The following MRC1 variants were observed in gnomAD, a reference collection of about 807,000 sequenced individuals.
The protein encoded by MRC1 is mannose receptor C-type 1.
Under a neutral mutation model 102.9 loss-of-function variants are expected in MRC1, and 62 were observed. That is an observed-to-expected ratio of 0.60 (90% CI 0.49 to 0.74). The LOEUF (loss-of-function observed/expected upper bound fraction) is 0.74. MRC1 is among the 30% of genes least tolerant of loss of function. MRC1 has a pLI of 0.00. For synonymous variants in MRC1, 457 were observed against 298.4 expected, an observed-to-expected ratio of 1.53 and a Z score of -5.48; for missense variants, 1,237 against 862.8, an observed-to-expected ratio of 1.43 and a Z score of -5.43.
intron 1 of MRC1, among the ~76,000 whole-genome samples, chr10:17,809,859 C>T (rs955728611): frequency 7.9e-5 from 12 of 152,074 alleles, no homozygotes; most frequent in Non-Finnish European, 1.2e-4. Flanking sequence ...CTGTGGTTTA[C>T]TCTTTCTGGT....
At chr10:17,852,153 T>C (rs949906450) in intron 7 of MRC1, among the ~76,000 whole-genome samples, 7 of 152,330 alleles carry the variant, frequency 4.6e-5, no homozygotes, top group Non-Finnish European at 8.8e-5. Context: ...ATTTTTGTTG[T>C]GATATTTAGG....
At chr10:17,828,668 G>T (rs1838521309) in intron 3 of MRC1, among the ~76,000 whole-genome samples, 1 of 151,516 alleles carries the variant, frequency 6.6e-6, no homozygotes, top group African/African-American at 2.5e-5. Context: ...TAAGAAGGGT[G>T]CCATTTAGTT....
chr10:17,827,539 C>T lies in MRC1; in HGVS notation c.464-3C>T. On this transcript the variant is annotated splice_region_variant and splice_polypyrimidine_tract_variant and intron_variant, in intron 2 of 29. Transcript: ENST00000569591. ...CCAAGTTCAAGTCAATATGTTTTTCCAGCCATGTATACGCTACTAGGCAAT... is the reference window on the plus strand; with the variant it reads ...CCAAGTTCAAGTCAATATGTTTTTCTAGCCATGTATACGCTACTAGGCAAT... 1 of 780,656 alleles carries T rather than the reference C, an allele frequency of 1.3e-6. No homozygotes were observed. 48.4% of individuals were successfully genotyped at this position (780,656 alleles called of 1,614,324 possible).
chr10:17,847,661 C>T (rs973815378), intron 6 of MRC1, among the ~76,000 whole-genome samples: 85 of 152,376 alleles, frequency 5.6e-4, no homozygotes, highest in African/African-American at 2.0e-3. Context: ...TCTGGCTTAG[C>T]AGCCACTTAA....
Position 17,845,358 on chromosome 10 carries a change from A to C in MRC1, c.986A>C (p.Asn329Thr). 1.3e-6 allele frequency: 1 copy of C among 780,856 alleles called. No individual in the cohort carries two copies. The highest frequency in any genetic ancestry group is 2.4e-5 in the East Asian group (1 of 41,246). 48.4% of individuals were successfully genotyped at this position (780,856 alleles called of 1,614,324 possible). ...CCTGGAAAAAATGCTAAATGGGAAA[A>C]TCTGGAATGTGTTCAGAAACTGGGC... ...LNPGKNAKWE[N>T]LECVQKLGYI... The change falls in exon 6 of 30, where the codon AAT becomes ACT. Residue 329 changes from asparagine to threonine, a missense_variant. Coordinates refer to ENST00000569591, the MANE Select transcript of MRC1 (RefSeq NM_002438.4).
intron 1 of MRC1, among the ~76,000 whole-genome samples, chr10:17,817,648 A>G (rs1838333121): frequency 6.6e-6 from 1 of 152,180 alleles, no homozygotes; most frequent in Non-Finnish European, 1.5e-5. Context: ...TAAATTTCTG[A>G]TGTGTAAGTA....
At chr10:17,856,169 CA>C (rs1243445821) in intron 8 of MRC1, 72 bp from the exon 9 acceptor site, 107,471 of 504,920 alleles carry the variant, frequency 0.21, 25 homozygotes, top group South Asian at 0.24. Context: ...GACACTGTCT[CA>C]AAAAAAAAAA....
At chr10:17,834,446 C>G (rs1326867685) in intron 4 of MRC1, among the ~76,000 whole-genome samples, 1 of 152,144 alleles carries the variant, frequency 6.6e-6, no homozygotes, top group African/African-American at 2.4e-5. Flanking sequence ...GAGTTTCCCT[C>G]TTGTAGCCCA....
In MRC1 at chr10:17,856,368, C is replaced by T. The variant is rs945350449; in HGVS notation, c.1518+16C>T. Reference sequence around the variant, plus strand: ...CTGCAGGAAAGTGAGTGCACCATGCCCACAGTGACTTAAGCTGAGCACGTA... The same window carrying T: ...CTGCAGGAAAGTGAGTGCACCATGCTCACAGTGACTTAAGCTGAGCACGTA... On this transcript the variant is annotated intron_variant, in intron 9 of 29. Coordinates refer to ENST00000569591, the MANE Select transcript of MRC1 (RefSeq NM_002438.4). The T allele has an allele frequency of 9.6e-6, 8 of 835,710 alleles. No individual in the cohort carries two copies. In the East Asian group the frequency reaches 1.2e-4, roughly 13 times the overall value. 51.8% of individuals were successfully genotyped at this position (835,710 alleles called of 1,614,324 possible).
In MRC1 at chr10:17,845,307, C is replaced by G; in HGVS notation, c.935C>G (p.Pro312Arg). 2.6e-6 allele frequency: 2 copies of G among 780,770 alleles called. No homozygotes were observed. Among genetic ancestry groups the G allele is most frequent in the Non-Finnish European group, 4.8e-6 (2 of 417,946 alleles). The allele number at this position is 780,770 out of a possible 1,614,324, so 48.4% of individuals were successfully genotyped here. A position where few individuals can be genotyped will look rare whatever the true frequency, so the allele number is the denominator to read the frequency against. The change falls in exon 6 of 30, where the codon CCT (proline) becomes CGT (arginine). Residue 312 changes from proline (P) to arginine (R), a missense_variant. Coordinates refer to ENST00000569591, the MANE Select transcript of MRC1 (RefSeq NM_002438.4). ...CTCGAAGGAAGTCCATCAGCTGAACCTGGAAAAAGCTGTGTGTCACTAAAT... is the reference window on the plus strand; with the variant it reads ...CTCGAAGGAAGTCCATCAGCTGAACGTGGAAAAAGCTGTGTGTCACTAAAT... ...NWLPGSPSAE[P>R]GKSCVSLNPG...
At chr10:17,895,595 T>C (rs1167055502) in intron 23 of MRC1, among the ~76,000 whole-genome samples, 1 of 152,206 alleles carries the variant, frequency 6.6e-6, no homozygotes, top group Non-Finnish European at 1.5e-5. Context: ...AGTTTCTTTT[T>C]TCATCTTAGG....
At chr10:17,819,453 A>ATGTG (rs59778334) in intron 1 of MRC1, among the ~76,000 whole-genome samples, 1,882 of 145,730 alleles carry the variant, frequency 0.013, 28 homozygotes, top group East Asian at 0.048. Context: ...TCAGAGTTGT[A>ATGTG]TGTGTGTGTG....
At chr10:17,879,690 C>T (rs895080101) in intron 18 of MRC1, 31 bp from the exon 19 acceptor site, 46 of 780,774 alleles carry the variant, frequency 5.9e-5, no homozygotes, top group African/African-American at 5.6e-4. Context: ...ATGATTGGAT[C>T]GTTTCAAAAT....
chr10:17,881,670 ATTTTTTT>A (rs1184943960), intron 21 of MRC1, among the ~76,000 whole-genome samples: 126 of 102,772 alleles, frequency 1.2e-3, no homozygotes, highest in Non-Finnish European at 1.6e-3. Flanking sequence ...ACAAATTTTG[ATTTTTTT>A]TTTTTTTTTT....
At chr10:17,825,520 C>T (rs992324549) in intron 2 of MRC1, among the ~76,000 whole-genome samples, 3 of 152,088 alleles carry the variant, frequency 2.0e-5, no homozygotes, top group African/African-American at 7.2e-5. Flanking sequence ...GCAAGAGGAT[C>T]ACTTGATTTC....
At chr10:17,809,839 A>G (rs1031194209) in intron 1 of MRC1, among the ~76,000 whole-genome samples, 2 of 152,014 alleles carry the variant, frequency 1.3e-5, no homozygotes. Flanking sequence ...TCGTGCAGAA[A>G]TTTCCTGCTC....
At chr10:17,879,644 TGAGC>T in intron 18 of MRC1, 73 bp from the exon 19 acceptor site, 2 of 780,648 alleles carry the variant, frequency 2.6e-6, no homozygotes, top group African/African-American at 3.4e-5. Context: ...ATTACAGGCG[TGAGC>T]CACTGCTCCT....
At chr10:17,894,113 T>C in intron 22 of MRC1, 97 bp from the exon 23 acceptor site, 1 of 813,552 alleles carries the variant, frequency 1.2e-6, no homozygotes, top group Admixed American at 1.7e-5. Flanking sequence ...AATTTGGAAA[T>C]CAGGGATAAT....
At chr10:17,894,005 A>G (rs913802922) in intron 22 of MRC1, among the ~76,000 whole-genome samples, 1 of 152,200 alleles carries the variant, frequency 6.6e-6, no homozygotes, top group African/African-American at 2.4e-5. Context: ...TTTTCGATTC[A>G]TATAGTGAGA....
Sources: allele counts gnomAD v4.1 joint callset (sites outside exome capture counted in the v4.1 genomes callset), GRCh38; gene constraint gnomAD v4.1.1; transcripts MANE v1.5; gene names NCBI Gene and HGNC (gene_info 2026-07-23, HGNC 2026-07-21).